CYLD: variants seen among roughly 807,000 people sequenced by gnomAD.
The protein encoded by CYLD is CYLD lysine 63 deubiquitinase.
CYLD carries 26 observed loss-of-function variants against 104.5 expected under a neutral mutation model. The observed-to-expected ratio is 0.25, with a 90% CI of 0.18 to 0.35. CYLD has a LOEUF of 0.35. Ranked by LOEUF, CYLD falls within the 10% of genes least tolerant of loss-of-function variation. The pLI is 1.00. For missense variants in CYLD, 703 were observed against 1,136.1 expected (o/e 0.62, Z 5.48); for synonymous variants, 385 against 399.9 (o/e 0.96, Z 0.45).
chr16:50,784,489 G>A (rs1203442477), intron 12 of CYLD, 38 bp downstream of exon 12: 1 of 1,604,932 alleles, frequency 6.2e-7, no homozygotes, highest in Admixed American at 1.7e-5. Flanking sequence ...CCTTTACATG[G>A]TGTTCTATTT....
intron 8 of CYLD, among the ~76,000 whole-genome samples, chr16:50,779,222 G>A (rs1597049792): frequency 6.6e-6 from 1 of 152,036 alleles, no homozygotes; most frequent in Non-Finnish European, 1.5e-5. Flanking sequence ...TCCCTTATAA[G>A]TATTAATTTA....
In CYLD at chr16:50,782,308, T is replaced by TA. The variant is rs869215259; in HGVS notation, c.1685-10dup. 3.9e-6 allele frequency: 6 copies of TA among 1,549,348 alleles called. No individual in the cohort carries two copies. The highest frequency in any genetic ancestry group is 5.3e-6 in the Non-Finnish European group (6 of 1,131,038). ...AAGAATTCTTTTCATTTACTTTTTT[T>TA]AAAAAAATCTTTTCAGCATTTGGAG... is the stretch of plus-strand genomic sequence containing the variant. On this transcript the variant is annotated splice_polypyrimidine_tract_variant and intron_variant, in intron 10 of 18. Transcript: ENST00000427738.
intron 5 of CYLD, among the ~76,000 whole-genome samples, chr16:50,774,138 A>G (rs557617505): frequency 3.3e-5 from 5 of 152,402 alleles, no homozygotes; most frequent in African/African-American, 1.2e-4. Flanking sequence ...ACATGTGAAC[A>G]TACTTTAAAA....
intron 4 of CYLD, 115 bp downstream of exon 4, chr16:50,752,021 T>A: frequency 7.0e-6 from 2 of 287,586 alleles, no homozygotes; most frequent in Non-Finnish European, 1.1e-5. Flanking sequence ...TATATATGTA[T>A]AGTTTATATA....
At chr16:50,767,545 A>C (rs1968654614) in intron 5 of CYLD, among the ~76,000 whole-genome samples, 1 of 151,994 alleles carries the variant, frequency 6.6e-6, no homozygotes, top group African/African-American at 2.4e-5. Flanking sequence ...TTAGATTGAA[A>C]GTAACCGTTC....
At chr16:50,742,245 C>T (rs944924940) in intron 1 of CYLD, 121 bp downstream of exon 1, 4 of 151,080 alleles carry the variant, frequency 2.6e-5, no homozygotes, top group African/African-American at 9.7e-5. Context: ...GGCTGGCGGC[C>T]GGCGGGCGGC....
At chr16:50,792,501 G>T in intron 15 of CYLD, 96 bp from the exon 16 acceptor site, 1 of 806,508 alleles carries the variant, frequency 1.2e-6, no homozygotes, top group South Asian at 1.5e-5. Context: ...TATTAAGGCA[G>T]AACTGTTTTG....
chr16:50,780,187 G>C, intron 9 of CYLD, 143 bp downstream of exon 9: 1 of 1,053,738 alleles, frequency 9.5e-7, no homozygotes, highest in Non-Finnish European at 1.4e-6. Flanking sequence ...CATGTTTTCT[G>C]ACTTCCCTTT....
rs760750410 is a variant in CYLD, at chr16:50,779,707, A to G, written c.1181A>G (p.Asp394Gly). The G allele has an allele frequency of 9.9e-6, 16 of 1,613,912 alleles. No homozygotes were observed. In the Admixed American group the frequency reaches 2.7e-4, roughly 27 times the overall value. The change falls in exon 9 of 19, where the codon GAC becomes GGC. Residue 394 changes from aspartate to glycine, a missense_variant. Asp to Gly is a moderately conservative substitution (Grantham distance 94, BLOSUM62 -1). This residue lies in a region of CYLD where 183 missense variants were observed against 212.1 expected (regional missense o/e 0.86). Coordinates refer to ENST00000427738, the MANE Select transcript of CYLD (RefSeq NM_001378743.1). The stretch of plus-strand genomic sequence containing the variant: ...AAATCTCTTACAGAGATATCTACAG[A>G]CTTTGACCGTTCTTCACCACCACTC... ...PAKSLTEIST[D>G]FDRSSPPLQP...
rs1243305613 is a variant in CYLD at position 50,800,788 on chromosome 16, C to A, written c.*4280C>A. 8.6e-6 allele frequency: 2 copies of A among 233,094 alleles called. No individual in the cohort carries two copies. The highest frequency in any genetic ancestry group is 1.7e-5 in the Non-Finnish European group (2 of 117,990). The allele number at this position is 233,094 out of a possible 1,614,324, so 14.4% of individuals were successfully genotyped here. A position where few individuals can be genotyped will look rare whatever the true frequency, so the allele number is the denominator to read the frequency against. Reference sequence around the variant, plus strand: ...TTTTTAAAGTAGGTAGGCTATAAGGCCTGTAATTTAAAATAATACTCCTTT... The same window carrying A: ...TTTTTAAAGTAGGTAGGCTATAAGGACTGTAATTTAAAATAATACTCCTTT... On this transcript the variant is annotated 3_prime_UTR_variant, in exon 19 of 19. Coordinates refer to ENST00000427738, the MANE Select transcript of CYLD (RefSeq NM_001378743.1).
chr16:50,748,557 TAAATA>T (rs1312363504), intron 2 of CYLD, among the ~76,000 whole-genome samples: 1 of 151,354 alleles, frequency 6.6e-6, no homozygotes, highest in Admixed American at 6.6e-5. Context: ...TAAAAATAAA[TAAATA>T]AAATAAAAAT....
In CYLD at chr16:50,798,091, T is replaced by TA. The variant is rs886052055; in HGVS notation, c.*1587dup. ...CTTGGGTAAAATGAAGGGTGTGGGG[T>TA]AAAAGATGCATAAGGCCTTTTCTAG... is the stretch of plus-strand genomic sequence containing the variant. On this transcript the variant is annotated 3_prime_UTR_variant, in exon 19 of 19. Transcript: ENST00000427738. 25 of 232,038 alleles carry TA rather than the reference T, an allele frequency of 1.1e-4. 1 individual carries two copies. The highest frequency in any genetic ancestry group is 5.4e-4 in the South Asian group (3 of 5,518). The allele number at this position is 232,038 out of a possible 1,614,324, so 14.4% of individuals were successfully genotyped here. A position where few individuals can be genotyped will look rare whatever the true frequency, so the allele number is the denominator to read the frequency against.
At chr16:50,763,394 G>A (rs1414949497) in intron 5 of CYLD, among the ~76,000 whole-genome samples, 1 of 152,106 alleles carries the variant, frequency 6.6e-6, no homozygotes, top group African/African-American at 2.4e-5. Flanking sequence ...TCTAGGAGTG[G>A]AATTGCTGAG....
chr16:50,792,883 C>G (rs1477433872), intron 16 of CYLD, among the ~76,000 whole-genome samples, 178 bp downstream of exon 16: 1 of 151,966 alleles, frequency 6.6e-6, no homozygotes, highest in Non-Finnish European at 1.5e-5. Flanking sequence ...TCTGAGAAAA[C>G]ACAAATGAAA....
intron 11 of CYLD, among the ~76,000 whole-genome samples, chr16:50,783,293 A>G (rs958464252): frequency 2.1e-4 from 32 of 152,038 alleles, no homozygotes; most frequent in African/African-American, 7.0e-4. Flanking sequence ...GGCTCTGAGG[A>G]TTGTAGACTG....
At position 50,775,054 on chromosome 16, in the gene CYLD, C is replaced by T. The variant is rs1051648035; in HGVS notation, c.914-112C>T. The T allele has an allele frequency of 9.3e-6, 8 of 863,768 alleles. No homozygotes were observed. The Admixed American group carries it at 1.9e-4, about 20-fold the overall frequency. The allele number at this position is 863,768 out of a possible 1,614,324, so 53.5% of individuals were successfully genotyped here. ...ACATATAATTCATTTAGTAAATTTC[C>T]TCTTTTTTTAAGAAAAGTCTTTTCC... On this transcript the variant is annotated intron_variant, in intron 5 of 18. Transcript: ENST00000427738.
chr16:50,784,587 G>A (rs1169994780), intron 12 of CYLD, 136 bp downstream of exon 12: 24 of 983,732 alleles, frequency 2.4e-5, no homozygotes, highest in South Asian at 1.0e-4. Flanking sequence ...AAAATATTAC[G>A]TTTTTAAACC....
At chr16:50,779,569 TG>T in intron 8 of CYLD, 95 bp from the exon 9 acceptor site, 1 of 1,198,150 alleles carries the variant, frequency 8.3e-7, no homozygotes. Flanking sequence ...GGAGGTCAGG[TG>T]GGCAGTTGGA....
chr16:50,776,744 CTCT>C (rs1410642298), intron 7 of CYLD, among the ~76,000 whole-genome samples: 2 of 152,202 alleles, frequency 1.3e-5, no homozygotes, highest in Non-Finnish European at 2.9e-5. Context: ...GAGCTTACAG[CTCT>C]TTTTTTTGTT....
Sources: allele counts gnomAD v4.1 joint callset (sites outside exome capture counted in the v4.1 genomes callset), GRCh38; gene constraint gnomAD v4.1.1; regional missense constraint gnomAD v4.1.1; transcripts MANE v1.5; gene names NCBI Gene and HGNC (gene_info 2026-07-23, HGNC 2026-07-21).